AIMP2: variants seen among roughly 807,000 people sequenced by gnomAD.
AIMP2 encodes the protein aminoacyl tRNA synthetase complex interacting multifunctional protein 2.
In AIMP2, 20 loss-of-function variants were observed where a neutral mutation model predicts 23.4. That is an observed-to-expected ratio of 0.85 (90% CI 0.60 to 1.24). AIMP2 has a LOEUF of 1.24. Ranked by LOEUF, AIMP2 falls within the 50% of genes most tolerant of loss-of-function variation. The pLI is 0.00. For synonymous variants in AIMP2, 210 were observed against 170.4 expected (o/e 1.23, Z -1.81); for missense variants, 515 against 414.5 (o/e 1.24, Z -2.10).
chr7:6,017,750 C>G (rs1787109082), intron 2 of AIMP2, 64 bp from the exon 3 acceptor site: 2 of 1,443,520 alleles, frequency 1.4e-6, no homozygotes, highest in East Asian at 2.5e-5. Context: ...TTCTTAGACT[C>G]GCGCCCGGCA....
rs147658637 is a variant in AIMP2, at chr7:6,009,437, A to G, written c.74A>G (p.Tyr25Cys). 1 of 1,611,018 alleles carries G rather than the reference A, an allele frequency of 6.2e-7. No individual in the cohort carries two copies. The highest frequency in any genetic ancestry group is 2.2e-5 in the East Asian group (1 of 44,808). ...PLRVELPTCMYRLPNVHGRSY... is the reference protein window; with the variant it reads ...PLRVELPTCMCRLPNVHGRSY... ...CGTGTGGAGCTTCCCACCTGCATGT[A>G]CCGGCTCCCCAACGTGCACGGCAGG... The change falls in exon 1 of 4, where the codon TAC becomes TGC. Residue 25 changes from tyrosine to cysteine, a missense_variant. Transcript: ENST00000223029.
At chr7:6,022,897 T>G (rs3801032) in intron 3 of AIMP2, 143,426 of 177,616 alleles carry the variant, frequency 0.81, 58,143 homozygotes, top group East Asian at 0.92. Context: ...GATATGGAGA[T>G]AAGCGAGTTC....
chr7:6,014,552 A>C (rs930185524), intron 1 of AIMP2, among the ~76,000 whole-genome samples: 2 of 151,574 alleles, frequency 1.3e-5, no homozygotes, highest in East Asian at 3.9e-4. Flanking sequence ...GAGCCACCGC[A>C]CCTGGCCTTG....
intron 1 of AIMP2, among the ~76,000 whole-genome samples, chr7:6,010,847 C>G (rs1349866210): frequency 6.7e-6 from 1 of 149,730 alleles, no homozygotes; most frequent in Non-Finnish European, 1.5e-5. Context: ...CTTACCACAT[C>G]TCTACATAAA....
chr7:6,012,445 G>A (rs958515050), intron 1 of AIMP2, among the ~76,000 whole-genome samples: 7 of 152,112 alleles, frequency 4.6e-5, no homozygotes, highest in African/African-American at 1.7e-4. Context: ...AACAGATCTT[G>A]AACATTTTGT....
intron 3 of AIMP2, chr7:6,022,816 A>G (rs1312762074): frequency 6.4e-6 from 1 of 155,244 alleles, no homozygotes; most frequent in Non-Finnish European, 1.4e-5. Flanking sequence ...TTATCTTCTC[A>G]TATGGCCATA....
rs1786361270 is a variant in AIMP2 at position 6,009,447 on chromosome 7, C to T, written c.84C>T (p.Pro28=). The part of the protein sequence containing the change: ...VELPTCMYRL[P]NVHGRSYGPA... ...TTCCCACCTGCATGTACCGGCTCCC[C>T]AACGTGCACGGCAGGAGCTACGGCC... The change falls in exon 1 of 4, where the codon CCC becomes CCT. Residue 28 remains proline, a synonymous_variant. Coordinates refer to ENST00000223029, the MANE Select transcript of AIMP2 (RefSeq NM_006303.4). The T allele has an allele frequency of 6.2e-7, 1 of 1,610,710 alleles. No homozygotes were observed. The highest frequency in any genetic ancestry group is 8.5e-7 in the Non-Finnish European group (1 of 1,179,696).
intron 3 of AIMP2, among the ~76,000 whole-genome samples, chr7:6,018,932 C>G (rs140381099): frequency 2.1e-4 from 32 of 150,888 alleles, no homozygotes; most frequent in African/African-American, 7.1e-4. Flanking sequence ...AAAATATACA[C>G]AAATCTATTT....
At chr7:6,009,974 A>AAAAAAAAAAATATATATAT in intron 1 of AIMP2, among the ~76,000 whole-genome samples, 8 of 26,654 alleles carry the variant, frequency 3.0e-4, no homozygotes, top group Non-Finnish European at 4.8e-4. Context: ...AAAAAAAAAA[A>AAAAAAAAAAATATATATAT]ATATATATAT....
chr7:6,010,015 C>T (rs1222870288), intron 1 of AIMP2, among the ~76,000 whole-genome samples: 1 of 123,496 alleles, frequency 8.1e-6, no homozygotes, highest in African/African-American at 3.0e-5. Flanking sequence ...CCAGGTCGGG[C>T]GCGGTGGTTC....
chr7:6,019,433 C>T (rs940044733), intron 3 of AIMP2, among the ~76,000 whole-genome samples: 5 of 148,090 alleles, frequency 3.4e-5, no homozygotes, highest in African/African-American at 7.5e-5. Context: ...TGCAGTGAGC[C>T]GAGATCACGC....
intron 3 of AIMP2, among the ~76,000 whole-genome samples, chr7:6,020,080 C>A (rs991454476): frequency 2.0e-5 from 3 of 151,080 alleles, no homozygotes; most frequent in Non-Finnish European, 4.4e-5. Context: ...CCAGGAGGTG[C>A]AAAAACCTTG....
intron 1 of AIMP2, 127 bp downstream of exon 1, chr7:6,009,625 G>C (rs1583439696): frequency 2.5e-6 from 2 of 811,172 alleles, no homozygotes; most frequent in East Asian, 7.1e-5. Flanking sequence ...GTGCCGGCCG[G>C]CCAGGGACTC....
chr7:6,019,787 A>C lies in AIMP2; in HGVS notation c.574+1742A>C, dbSNP rs1456903827. On this transcript the variant is annotated intron_variant, in intron 3 of 3. Coordinates refer to ENST00000223029, the MANE Select transcript of AIMP2 (RefSeq NM_006303.4). ...GCCTGTAATCCCAGAACTTTGGGAG[A>C]ACGAGGAGGGCAGATCACGAGGTTA... Among the ~76,000 whole-genome samples, 7 of 151,936 alleles carry C rather than the reference A, an allele frequency of 4.6e-5. No individual in the cohort carries two copies. The East Asian group carries it at 1.4e-3, about 30-fold the overall frequency.
chr7:6,018,921 C>T (rs1257051212), intron 3 of AIMP2, among the ~76,000 whole-genome samples: 1 of 151,688 alleles, frequency 6.6e-6, no homozygotes, highest in African/African-American at 2.4e-5. Flanking sequence ...TTTACATACA[C>T]AAAATATACA....
chr7:6,018,030 T>A lies in AIMP2; in HGVS notation c.559T>A (p.Leu187Ile), dbSNP rs1456013597. The A allele has an allele frequency of 1.2e-6, 2 of 1,613,602 alleles. No homozygotes were observed. The highest frequency in any genetic ancestry group is 1.7e-6 in the Non-Finnish European group (2 of 1,179,790). ...CCAAGACTATCAGCTGGGATTCACT[T>A]TAATTTGGAAGAATGGTAAGTAGAC... ...PRQDYQLGFT[L>I]IWKNVPKTQM... Residue 187 changes from leucine to isoleucine, a missense_variant, in exon 3 of 4, where the codon TTA becomes ATA. Coordinates refer to ENST00000223029, the MANE Select transcript of AIMP2 (RefSeq NM_006303.4).
At chr7:6,009,974 A>AAATATACATCTATATATATATATATAT in intron 1 of AIMP2, among the ~76,000 whole-genome samples, 1 of 26,662 alleles carries the variant, frequency 3.8e-5, no homozygotes, top group Non-Finnish European at 6.8e-5. Context: ...AAAAAAAAAA[A>AAATATACATCTATATATATATATATAT]ATATATATAT....
intron 2 of AIMP2, 74 bp downstream of exon 2, chr7:6,015,426 T>A: frequency 2.6e-6 from 4 of 1,526,756 alleles, no homozygotes; most frequent in Non-Finnish European, 3.6e-6. Flanking sequence ...CTGCTGTGAT[T>A]AAAGCCTTAG....
chr7:6,010,134 A>C (rs1365362965), intron 1 of AIMP2, among the ~76,000 whole-genome samples: 1 of 151,034 alleles, frequency 6.6e-6, no homozygotes, highest in Non-Finnish European at 1.5e-5. Flanking sequence ...TCTATTTTTT[A>C]AATGTTTTAA....
Sources: allele counts gnomAD v4.1 joint callset (sites outside exome capture counted in the v4.1 genomes callset), GRCh38; gene constraint gnomAD v4.1.1; transcripts MANE v1.5; gene names NCBI Gene and HGNC (gene_info 2026-07-23, HGNC 2026-07-21).